CDKL5: variants seen among roughly 807,000 people sequenced by gnomAD.
CDKL5 encodes the protein cyclin dependent kinase like 5.
A neutral mutation model predicts 61.7 loss-of-function variants in CDKL5; 8 were observed. The ratio of observed to expected loss-of-function variants is 0.13; its 90% CI spans 0.08 to 0.23. The LOEUF (loss-of-function observed/expected upper bound fraction) is 0.23. CDKL5 is among the 10% of genes least tolerant of loss of function. The pLI is 1.00. For synonymous variants in CDKL5, 275 were observed against 272.3 expected (o/e 1.01, Z -0.10); for missense variants, 440 against 734.5 (o/e 0.60, Z 4.63).
chrX:18,477,355 C>G (rs1429890165), intron 1 of CDKL5, among the ~76,000 whole-genome samples: 1 of 112,700 alleles, frequency 8.9e-6, no homozygotes, highest in Non-Finnish European at 1.9e-5. Flanking sequence ...ACATGAGCCA[C>G]TGCACCTGGC....
At chrX:18,429,723 C>T (rs1447311120) in intron 1 of CDKL5, among the ~76,000 whole-genome samples, 2 of 112,096 alleles carry the variant, frequency 1.8e-5, no homozygotes. Flanking sequence ...GCACCCTTAA[C>T]TTGGCAGACT....
chrX:18,501,780 C>G (rs751114797), intron 1 of CDKL5, among the ~76,000 whole-genome samples: 1 of 111,087 alleles, frequency 9.0e-6, no homozygotes, highest in Non-Finnish European at 1.9e-5. Context: ...AACTCCTGAC[C>G]TCAGGTCATC....
At chrX:18,591,697 C>T (rs746132653) in intron 9 of CDKL5, among the ~76,000 whole-genome samples, 1 of 111,771 alleles carries the variant, frequency 8.9e-6, no homozygotes, top group African/African-American at 3.2e-5. Context: ...GAACCTCTCA[C>T]CATTTCCTTG....
chrX:18,433,553 TA>T (rs942522165), intron 1 of CDKL5, among the ~76,000 whole-genome samples: 73 of 108,577 alleles, frequency 6.7e-4, no homozygotes, highest in Non-Finnish European at 1.1e-3. Context: ...TCCGTTTAAA[TA>T]AAAAAAAAAA....
rs1342864362 is a variant in CDKL5, at chrX:18,579,973, G to A, written c.403+5G>A. ...AGAATGATATTGTCCATCGAGGTGAGTATGAGATTTTTAAAATGGAAAATA... is the reference window on the plus strand; with the variant it reads ...AGAATGATATTGTCCATCGAGGTGAATATGAGATTTTTAAAATGGAAAATA... On this transcript the variant is annotated splice_donor_5th_base_variant and intron_variant, in intron 6 of 17. Coordinates refer to ENST00000623535, the MANE Select transcript of CDKL5 (RefSeq NM_001323289.2). 11 of 1,186,132 alleles carry A rather than the reference G, an allele frequency of 9.3e-6. No individual in the cohort carries two copies. Among genetic ancestry groups the A allele is most frequent in the Non-Finnish European group, 1.3e-5 (11 of 874,124 alleles).
intron 21 of CDKL5, chrX:18,653,348 G>T: frequency 1.7e-6 from 2 of 1,172,517 alleles, no homozygotes; most frequent in East Asian, 3.2e-5. Flanking sequence ...TCTGCTCCGT[G>T]GGGGGCCCGG....
At chrX:18,483,583 AT>A (rs1322471371) in intron 1 of CDKL5, among the ~76,000 whole-genome samples, 2 of 105,636 alleles carry the variant, frequency 1.9e-5, no homozygotes, top group Non-Finnish European at 2.0e-5. Context: ...CACCTGGCTA[AT>A]TTTTTTTTTG....
rs1925418214 is a variant in CDKL5 at position 18,579,843 on chromosome X, T to C, written c.283-5T>C. On this transcript the variant is annotated splice_region_variant and splice_polypyrimidine_tract_variant and intron_variant, in intron 5 of 17. Transcript: ENST00000623535. ...TGGGAAATAATGACTCTATTTAATT[T>C]TTAGAATATGCTCGAATTGCTGGAA... 8.3e-7 allele frequency: 1 copy of C among 1,206,904 alleles called. No homozygotes were observed.
rs182711431 is a variant in CDKL5 at position 18,427,969 on chromosome X, A to C, written c.-163+2274A>C. Among the ~76,000 whole-genome samples, 4 of 111,914 alleles carry C rather than the reference A, an allele frequency of 3.6e-5. No homozygotes were observed. The East Asian group carries it at 1.1e-3, about 31-fold the overall frequency. On this transcript the variant is annotated intron_variant, in intron 1 of 17. Coordinates refer to ENST00000623535, the MANE Select transcript of CDKL5 (RefSeq NM_001323289.2). ...TGGGGTTTTAAAAGGAAAGGCTCCC[A>C]TTGAAAGAAATTGCAGGGCCGTCTC... is the stretch of plus-strand genomic sequence containing the variant.
Position 18,550,701 on chromosome X carries a change from A to G in CDKL5, c.100-13776A>G, listed in dbSNP as rs1924354339. Reference sequence around the variant, plus strand: ...AGATTGCCTGCAGTTGGCATGCCTAATGCCATCTTGGTCTCAGTTACTTGA... The same window carrying G: ...AGATTGCCTGCAGTTGGCATGCCTAGTGCCATCTTGGTCTCAGTTACTTGA... On this transcript the variant is annotated intron_variant, in intron 3 of 17. Transcript: ENST00000623535. Among the ~76,000 whole-genome samples, 7 of 112,669 alleles carry G rather than the reference A, an allele frequency of 6.2e-5. No homozygotes were observed. The Admixed American group carries it at 6.6e-4, about 11-fold the overall frequency.
chrX:18,629,962 A>G lies in CDKL5; in HGVS notation c.*1205A>G. On this transcript the variant is annotated 3_prime_UTR_variant, in exon 18 of 18. Coordinates refer to ENST00000623535, the MANE Select transcript of CDKL5 (RefSeq NM_001323289.2). The stretch of plus-strand genomic sequence containing the variant: ...TACCTGTCTGCAGATCTTGCAAACC[A>G]TCTCTATGCTCCTGAATATTGTCCA... The G allele has an allele frequency of 1.3e-6, 1 of 753,762 alleles. No homozygotes were observed. Among genetic ancestry groups the G allele is most frequent in the Non-Finnish European group, 1.6e-6 (1 of 638,942 alleles). 62.1% of individuals were successfully genotyped at this position (753,762 alleles called of 1,213,427 possible). A position where few individuals can be genotyped will look rare whatever the true frequency, so the allele number is the denominator to read the frequency against.
rs1489685717 is a variant in CDKL5 at position 18,629,500 on chromosome X, TAAAG to T, written c.*748_*751del. 1 of 628,761 alleles carries T rather than the reference TAAAG, an allele frequency of 1.6e-6. No individual in the cohort carries two copies. Among genetic ancestry groups the T allele is most frequent in the Non-Finnish European group, 1.9e-6 (1 of 527,242 alleles). The allele number at this position is 628,761 out of a possible 1,213,427, so 51.8% of individuals were successfully genotyped here. On this transcript the variant is annotated 3_prime_UTR_variant, in exon 18 of 18. Transcript: ENST00000623535. ...TATCTGTTTTATAAATATATTCATTTAAAGAAAGTATCGTTATGACACTATCTGC... is the reference window on the plus strand; with the variant it reads ...TATCTGTTTTATAAATATATTCATTTAAAGTATCGTTATGACACTATCTGC...
chrX:18,650,669 G>A, intron 21 of CDKL5: 3 of 1,074,947 alleles, frequency 2.8e-6, no homozygotes, highest in Non-Finnish European at 3.9e-6. Context: ...TAGAAATGCA[G>A]ATGTTCAGGC....
At chrX:18,464,192 GT>G (rs369374577) in intron 1 of CDKL5, among the ~76,000 whole-genome samples, 13 of 104,436 alleles carry the variant, frequency 1.2e-4, no homozygotes, top group East Asian at 6.0e-4. Context: ...TCTCATTTTT[GT>G]TTTTTTTTTA....
chrX:18,484,749 G>C (rs917454288), intron 1 of CDKL5, among the ~76,000 whole-genome samples: 7 of 110,002 alleles, frequency 6.4e-5, no homozygotes, highest in African/African-American at 2.3e-4. Context: ...TGGTAAATCT[G>C]TAGGGAATTA....
In CDKL5 at chrX:18,441,177, A is replaced by G. The variant is rs767944264; in HGVS notation, c.-163+15482A>G. Among the ~76,000 whole-genome samples, 8 of 111,393 alleles carry G rather than the reference A, an allele frequency of 7.2e-5. No homozygotes were observed. In the East Asian group the frequency reaches 8.5e-4, roughly 12 times the overall value. ...ACTCCTGTAATCCTAGCACTTTGGG[A>G]AGCCGAGTCAGGCAGATAACTTGAG... On this transcript the variant is annotated intron_variant, in intron 1 of 17. Coordinates refer to ENST00000623535, the MANE Select transcript of CDKL5 (RefSeq NM_001323289.2).
At chrX:18,532,835 C>T (rs1411231887) in intron 3 of CDKL5, among the ~76,000 whole-genome samples, 2 of 111,473 alleles carry the variant, frequency 1.8e-5, no homozygotes, top group South Asian at 3.7e-4. Context: ...TTATAAATTT[C>T]GTTAACCTTG....
intron 11 of CDKL5, among the ~76,000 whole-genome samples, chrX:18,600,442 A>G (rs1252666522): frequency 8.9e-6 from 1 of 111,983 alleles, no homozygotes; most frequent in Non-Finnish European, 1.9e-5. Context: ...CTCTCAGTTC[A>G]GGTGCTTTTA....
Position 18,632,567 on chromosome X carries a change from G to A in CDKL5, c.*3810G>A, listed in dbSNP as rs1927265944. ...ATTAGAAGCAAAAAAGTCCGTATTGGTGGTTGTGATGTGGCTGTTATAGAA... is the reference window on the plus strand; with the variant it reads ...ATTAGAAGCAAAAAAGTCCGTATTGATGGTTGTGATGTGGCTGTTATAGAA... On this transcript the variant is annotated 3_prime_UTR_variant, in exon 18 of 18. Coordinates refer to ENST00000623535, the MANE Select transcript of CDKL5 (RefSeq NM_001323289.2). 2 of 754,549 alleles carry A rather than the reference G, an allele frequency of 2.7e-6. No individual in the cohort carries two copies. The highest frequency in any genetic ancestry group is 3.1e-6 in the Non-Finnish European group (2 of 639,228). 62.2% of individuals were successfully genotyped at this position (754,549 alleles called of 1,213,427 possible).
Sources: allele counts gnomAD v4.1 joint callset (sites outside exome capture counted in the v4.1 genomes callset), GRCh38; gene constraint gnomAD v4.1.1; transcripts MANE v1.5; gene names NCBI Gene and HGNC (gene_info 2026-07-23, HGNC 2026-07-21).